Variants in CUTC observed in about 807,000 individuals in gnomAD.
The protein encoded by CUTC is copper homeostasis protein cutC homolog.
Under a neutral mutation model 36.2 loss-of-function variants are expected in CUTC, and 27 were observed. The ratio of observed to expected loss-of-function variants is 0.75; its 90% CI spans 0.55 to 1.03. The LOEUF (loss-of-function observed/expected upper bound fraction) is 1.03, where lower values mean the gene tolerates loss of function less well. Ranked by LOEUF, CUTC falls within the 50% of genes least tolerant of loss-of-function variation. The probability of loss-of-function intolerance (pLI) is 0.00; values close to 1 mark genes in which losing one functional copy is unlikely to be tolerated. For missense variants in CUTC, 315 were observed against 343.5 expected (o/e 0.92, Z 0.66); for synonymous variants, 114 against 118.3 (o/e 0.96, Z 0.24).
rs559327623 is a variant in CUTC at position 99,752,898 on chromosome 10, C to T, written c.602-1631C>T. ...TAGACTTATAAACACAAATGTATTA[C>T]AATTTCATATGAATAAGTACCAGCA... On this transcript the variant is annotated intron_variant, in intron 7 of 8. Transcript: ENST00000370476. Among the ~76,000 whole-genome samples the T allele has an allele frequency of 2.0e-5, 3 of 152,256 alleles. No individual in the cohort carries two copies. In the East Asian group the frequency reaches 5.8e-4, roughly 29 times the overall value.
chr10:99,739,857 A>G (rs2037328329), intron 3 of CUTC, 88 bp downstream of exon 3: 2 of 965,770 alleles, frequency 2.1e-6, no homozygotes, highest in Admixed American at 4.7e-5. Flanking sequence ...GTCCTTTACT[A>G]ATGTCATGTT....
rs2037352337 is a variant in CUTC, at chr10:99,743,094, T to A, written c.194-59T>A. Reference sequence around the variant, plus strand: ...CCATCTTTGTCTGGTAAATGACCAATAATATATCATTGGCTTTTAGCTCAC... The same window carrying A: ...CCATCTTTGTCTGGTAAATGACCAAAAATATATCATTGGCTTTTAGCTCAC... On this transcript the variant is annotated intron_variant, in intron 3 of 8. Transcript: ENST00000370476. The A allele has an allele frequency of 2.0e-6, 3 of 1,525,456 alleles. No homozygotes were observed. In the Admixed American group the frequency reaches 5.0e-5, roughly 26 times the overall value. 94.5% of individuals were successfully genotyped at this position (1,525,456 alleles called of 1,614,324 possible). A position where few individuals can be genotyped will look rare whatever the true frequency, so the allele number is the denominator to read the frequency against.
At chr10:99,744,788 TCTGTCGCCTAGGCTGGAG>T (rs2037366471) in intron 5 of CUTC, among the ~76,000 whole-genome samples, 1 of 152,206 alleles carries the variant, frequency 6.6e-6, no homozygotes, top group South Asian at 2.1e-4. Flanking sequence ...GGAGTCTCGC[TCTGTCGCCTAGGCTGGAG>T]TGCAGTCGCA....
chr10:99,737,577 CTG>C (rs781495683), intron 2 of CUTC, among the ~76,000 whole-genome samples: 3 of 152,076 alleles, frequency 2.0e-5, no homozygotes, highest in Non-Finnish European at 4.4e-5. Context: ...TTGCAAAACT[CTG>C]TGTATATACT....
intron 3 of CUTC, among the ~76,000 whole-genome samples, chr10:99,742,249 A>G (rs2133669419): frequency 6.6e-6 from 1 of 152,152 alleles, no homozygotes; most frequent in East Asian, 1.9e-4. Flanking sequence ...AAATCCAGTC[A>G]CTGTTACCCT....
At chr10:99,736,889 C>G (rs2037301096) in intron 2 of CUTC, among the ~76,000 whole-genome samples, 1 of 152,188 alleles carries the variant, frequency 6.6e-6, no homozygotes, top group African/African-American at 2.4e-5. Context: ...TAAACTTTTT[C>G]TGTGAAGAGC....
At chr10:99,747,529 T>C (rs1184778692) in intron 6 of CUTC, 139 bp downstream of exon 6, 7 of 870,514 alleles carry the variant, frequency 8.0e-6, no homozygotes, top group African/African-American at 1.7e-5. Flanking sequence ...CAATAATGTA[T>C]ATAATTCTTA....
intron 4 of CUTC, 71 bp downstream of exon 4, chr10:99,743,433 A>G: frequency 7.3e-7 from 1 of 1,378,230 alleles, no homozygotes; most frequent in Non-Finnish European, 1.0e-6. Flanking sequence ...ATAGAAAAAC[A>G]ACATCACAAA....
chr10:99,736,111 A>T, intron 1 of CUTC, 135 bp from the exon 2 acceptor site: 1 of 633,520 alleles, frequency 1.6e-6, no homozygotes, highest in Non-Finnish European at 2.8e-6. Flanking sequence ...TATTGCATTC[A>T]TGGGCCCTAG....
At chr10:99,749,230 G>C (rs2037400016) in intron 6 of CUTC, among the ~76,000 whole-genome samples, 1 of 152,118 alleles carries the variant, frequency 6.6e-6, no homozygotes, top group South Asian at 2.1e-4. Context: ...TTTGTGATTG[G>C]ACAGGTCTGT....
chr10:99,751,353 T>TTTTG (rs922975627), intron 7 of CUTC, among the ~76,000 whole-genome samples: 8 of 152,140 alleles, frequency 5.3e-5, no homozygotes, highest in Admixed American at 1.3e-4. Flanking sequence ...TTTGGTTATC[T>TTTTG]TTTGTTTGTT....
rs2231674 is a variant in CUTC at position 99,732,492 on chromosome 10, C to T, written c.61+83C>T. On this transcript the variant is annotated intron_variant, in intron 1 of 8. Transcript: ENST00000370476. ...CGGGAGTCGTAGTCAGTGGTGATTT[C>T]TTCTGGAGTCGTTTCCTCAGCTCCT... The T allele has an allele frequency of 1.0e-4, 158 of 1,538,666 alleles. 5 individuals carry two copies. The East Asian group carries it at 3.7e-3, about 36-fold the overall frequency.
At chr10:99,754,693 A>G (rs2037442388) in intron 8 of CUTC, 59 bp downstream of exon 8, 1 of 1,266,900 alleles carries the variant, frequency 7.9e-7, no homozygotes, top group Admixed American at 1.8e-5. Context: ...ACTTTCTCCC[A>G]AATAGAAAAA....
Position 99,732,386 on chromosome 10 carries a change from CG to C in CUTC, c.39del (p.Arg14GlyfsTer26). On this transcript the variant is annotated frameshift_variant, in exon 1 of 9. Coordinates refer to ENST00000370476, the MANE Select transcript of CUTC (RefSeq NM_015960.3). LOFTEE classifies it high-confidence loss of function. ...RQGASSERKR[A>X]RIPSGKAGAA... ...GGGGCCTCCTCTGAGCGAAAACGAG[CG>C]CGGATACCGTCCGGGAAGGCCGGTG... 1 of 1,552,874 alleles carries C rather than the reference CG, an allele frequency of 6.4e-7. No homozygotes were observed. Among genetic ancestry groups the C allele is most frequent in the Non-Finnish European group, 8.7e-7 (1 of 1,148,024 alleles).
chr10:99,743,528 T>TAC (rs1273362460), intron 4 of CUTC, among the ~76,000 whole-genome samples, 166 bp downstream of exon 4: 1 of 152,168 alleles, frequency 6.6e-6, no homozygotes, highest in Non-Finnish European at 1.5e-5. Flanking sequence ...GGGTGGGGTG[T>TAC]ATGTGTGGCA....
Position 99,744,088 on chromosome 10 carries a change from T to C in CUTC, c.439+16T>C. ...TTCCACCGAGGTGAGTCATTTTCAT[T>C]TTAAAAGTTCTATTGAACAGTGTTA... On this transcript the variant is annotated intron_variant, in intron 5 of 8. Coordinates refer to ENST00000370476, the MANE Select transcript of CUTC (RefSeq NM_015960.3). 6.2e-7 allele frequency: 1 copy of C among 1,607,038 alleles called. No homozygotes were observed. Among genetic ancestry groups the C allele is most frequent in the Non-Finnish European group, 8.5e-7 (1 of 1,175,670 alleles).
intron 7 of CUTC, 35 bp downstream of exon 7, chr10:99,750,431 CTG>C: frequency 6.4e-7 from 1 of 1,558,378 alleles, no homozygotes; most frequent in Non-Finnish European, 8.7e-7. Flanking sequence ...TAGCATAACA[CTG>C]AACTATAGTG....
At chr10:99,741,518 C>G (rs995984729) in intron 3 of CUTC, among the ~76,000 whole-genome samples, 10 of 152,086 alleles carry the variant, frequency 6.6e-5, no homozygotes, top group African/African-American at 2.2e-4. Flanking sequence ...TTCATTCCTT[C>G]CTTTCCTTTC....
chr10:99,740,855 C>A (rs1243681648), intron 3 of CUTC, among the ~76,000 whole-genome samples: 2 of 152,180 alleles, frequency 1.3e-5, no homozygotes, highest in African/African-American at 4.8e-5. Context: ...TTCTTCTGCA[C>A]TATCTAATCT....
Sources: allele counts gnomAD v4.1 joint callset (sites outside exome capture counted in the v4.1 genomes callset), GRCh38; gene constraint gnomAD v4.1.1; transcripts MANE v1.5; gene names NCBI Gene and HGNC (gene_info 2026-07-23, HGNC 2026-07-21).